Variants in PUM1 observed in about 807,000 individuals in gnomAD.
PUM1 encodes pumilio RNA binding family member 1, also known as pumilio homolog 1.
PUM1 carries 13 observed loss-of-function variants against 131.8 expected under a neutral mutation model. That is an observed-to-expected ratio of 0.10 (90% CI 0.06 to 0.16). The LOEUF (loss-of-function observed/expected upper bound fraction) is 0.16, where lower values mean the gene tolerates loss of function less well. PUM1 is among the 10% of genes least tolerant of loss of function. The pLI is 1.00. For synonymous variants in PUM1, 509 were observed against 556.5 expected (o/e 0.91, Z 1.20); for missense variants, 961 against 1,512.4 (o/e 0.64, Z 6.05).
intron 2 of PUM1, among the ~76,000 whole-genome samples, chr1:31,042,279 C>G (rs1643843495): frequency 6.6e-6 from 1 of 151,680 alleles, no homozygotes; most frequent in African/African-American, 2.4e-5. Flanking sequence ...GCACTCCAAC[C>G]TGGGCAACAG....
At chr1:30,978,538 T>C (rs1641231412) in intron 9 of PUM1, among the ~76,000 whole-genome samples, 1 of 152,206 alleles carries the variant, frequency 6.6e-6, no homozygotes, top group Non-Finnish European at 1.5e-5. Context: ...ATCTAAGAAA[T>C]GCTAGGCTAC....
intron 18 of PUM1, among the ~76,000 whole-genome samples, chr1:30,944,361 C>T (rs1639582533): frequency 2.0e-5 from 3 of 152,130 alleles, no homozygotes; most frequent in Non-Finnish European, 4.4e-5. Context: ...CTGTCCCACC[C>T]ACCTTAGGAG....
intron 3 of PUM1, among the ~76,000 whole-genome samples, chr1:31,024,027 T>C (rs1643133457): frequency 6.6e-6 from 1 of 151,318 alleles, no homozygotes. Context: ...CTCTACTATA[T>C]CCTAAAAAGG....
chr1:30,991,099 TG>T, intron 7 of PUM1, among the ~76,000 whole-genome samples: 1 of 152,156 alleles, frequency 6.6e-6, no homozygotes, highest in East Asian at 1.9e-4. Flanking sequence ...CATATATTTT[TG>T]TTCATAAGAA....
Position 30,933,096 on chromosome 1 carries a change from G to T in PUM1, c.*115C>A. The stretch of plus-strand genomic sequence containing the variant: ...CTTTTTTGGAGGAGGGAGTAATCCT[G>T]GAGCAACCACTTGCCCGTCTCAGAC... On this transcript the variant is annotated 3_prime_UTR_variant, in exon 22 of 22. Transcript: ENST00000426105. The T allele has an allele frequency of 7.5e-7, 1 of 1,327,732 alleles. No individual in the cohort carries two copies. Among genetic ancestry groups the T allele is most frequent in the Non-Finnish European group, 1.0e-6 (1 of 983,754 alleles). 82.2% of individuals were successfully genotyped at this position (1,327,732 alleles called of 1,614,324 possible). A position where few individuals can be genotyped will look rare whatever the true frequency, so the allele number is the denominator to read the frequency against.
chr1:30,933,795 T>C (rs1396563620), intron 21 of PUM1, among the ~76,000 whole-genome samples: 1 of 152,180 alleles, frequency 6.6e-6, no homozygotes, highest in Admixed American at 6.5e-5. Flanking sequence ...GTCACCAGAA[T>C]CCTGAGCTCA....
intron 3 of PUM1, among the ~76,000 whole-genome samples, chr1:31,012,562 A>AG: frequency 6.6e-6 from 1 of 151,562 alleles, no homozygotes; most frequent in Middle Eastern, 3.4e-3. Context: ...TAAAAAAAAA[A>AG]AAAAAAAAAA....
chr1:31,033,376 C>CTTTTTTT lies in PUM1; in HGVS notation c.364-4519_364-4513dup, dbSNP rs748444500. Among the ~76,000 whole-genome samples, 13 of 102,552 alleles carry CTTTTTTT rather than the reference C, an allele frequency of 1.3e-4. 1 individual carries two copies. Among genetic ancestry groups the CTTTTTTT allele is most frequent in the South Asian group, 8.0e-4 (2 of 2,502 alleles). The allele number at this position is 102,552 out of a possible 152,430, so 67.3% of individuals were successfully genotyped here. On this transcript the variant is annotated intron_variant, in intron 2 of 21. Coordinates refer to ENST00000426105, the MANE Select transcript of PUM1 (RefSeq NM_001020658.2). ...TGTGCCACCACATCCAGCTAATTTTCTTTTTTTTTTTTTTTTTTTTTTTTT... is the reference window on the plus strand; with the variant it reads ...TGTGCCACCACATCCAGCTAATTTTCTTTTTTTTTTTTTTTTTTTTTTTTTTTTTTTT...
chr1:31,038,493 C>G lies in PUM1; in HGVS notation c.364-9629G>C, dbSNP rs538272525. Among the ~76,000 whole-genome samples, 3 of 152,190 alleles carry G rather than the reference C, an allele frequency of 2.0e-5. No homozygotes were observed. In the East Asian group the frequency reaches 5.8e-4, roughly 29 times the overall value. ...ACCAAACCGCACCTTATTAACAGTG[C>G]TATGGTGATTTGTCTTATCTCCCTA... On this transcript the variant is annotated intron_variant, in intron 2 of 21. Coordinates refer to ENST00000426105, the MANE Select transcript of PUM1 (RefSeq NM_001020658.2).
chr1:31,058,185 T>C lies in PUM1; in HGVS notation c.363+1019A>G, dbSNP rs75223424. On this transcript the variant is annotated intron_variant, in intron 2 of 21. Transcript: ENST00000426105. ...ATATATCAGTCCCATTTCAAATAAA[T>C]TTCACTTGAGCAGCTGATGTTATCA... 2.1e-3 allele frequency among the ~76,000 whole-genome samples: 316 copies of C among 152,282 alleles called. 1 individual carries two copies. Among genetic ancestry groups the C allele is most frequent in the African/African-American group, 7.3e-3 (305 of 41,546 alleles).
chr1:31,037,807 T>C (rs550900516), intron 2 of PUM1, among the ~76,000 whole-genome samples: 10 of 152,042 alleles, frequency 6.6e-5, no homozygotes, highest in Non-Finnish European at 1.2e-4. Flanking sequence ...TCCCAGCACT[T>C]TGGGAGGCCA....
At chr1:30,986,931 T>C (rs1157143466) in intron 7 of PUM1, among the ~76,000 whole-genome samples, 1 of 152,212 alleles carries the variant, frequency 6.6e-6, no homozygotes, top group African/African-American at 2.4e-5. Context: ...ACATGCCGAT[T>C]TCCACTCCCC....
At chr1:31,057,731 A>G (rs924349892) in intron 2 of PUM1, among the ~76,000 whole-genome samples, 5 of 151,076 alleles carry the variant, frequency 3.3e-5, no homozygotes, top group Non-Finnish European at 5.9e-5. Context: ...TCTCAAAAAA[A>G]AAAAAAAAAA....
intron 20 of PUM1, among the ~76,000 whole-genome samples, chr1:30,937,874 T>C (rs770725769): frequency 2.6e-4 from 40 of 151,970 alleles, no homozygotes; most frequent in Non-Finnish European, 5.1e-4. Context: ...ATTCAAATAA[T>C]TCTTCTCCTG....
intron 3 of PUM1, among the ~76,000 whole-genome samples, chr1:31,009,769 A>AC (rs1642530929): frequency 7.6e-6 from 1 of 131,290 alleles, no homozygotes; most frequent in Admixed American, 7.9e-5. Flanking sequence ...CTCTGTCTCA[A>AC]AAAAAAAAAA....
chr1:31,049,846 T>C (rs1166369320), intron 2 of PUM1, among the ~76,000 whole-genome samples: 1 of 121,614 alleles, frequency 8.2e-6, no homozygotes, highest in Non-Finnish European at 1.6e-5. Flanking sequence ...TTTTTTTTTT[T>C]TGAGACAGAG....
intron 21 of PUM1, chr1:30,935,784 C>G (rs1639184254): frequency 4.8e-6 from 2 of 414,044 alleles, no homozygotes; most frequent in Non-Finnish European, 9.7e-6. Flanking sequence ...CAATGGCCAA[C>G]CAACCCCTCA....
At chr1:30,982,780 G>A (rs936691901) in intron 7 of PUM1, among the ~76,000 whole-genome samples, 1 of 152,156 alleles carries the variant, frequency 6.6e-6, no homozygotes, top group African/African-American at 2.4e-5. Context: ...CAAACATGAG[G>A]CTAATTTTAG....
rs143750783 is a variant in PUM1, at chr1:31,031,817, C to T, written c.364-2953G>A. Among the ~76,000 whole-genome samples, 43 of 152,208 alleles carry T rather than the reference C, an allele frequency of 2.8e-4. 1 individual carries two copies. The East Asian group carries it at 5.2e-3, about 18-fold the overall frequency. On this transcript the variant is annotated intron_variant, in intron 2 of 21. Transcript: ENST00000426105. ...TCCTTTCTACACTATCTTCCTGCCACCATTCTCTTTCACCATCTATTTACA... is the reference window on the plus strand; with the variant it reads ...TCCTTTCTACACTATCTTCCTGCCATCATTCTCTTTCACCATCTATTTACA...
Sources: allele counts gnomAD v4.1 joint callset (sites outside exome capture counted in the v4.1 genomes callset), GRCh38; gene constraint gnomAD v4.1.1; transcripts MANE v1.5; gene names NCBI Gene and HGNC (gene_info 2026-07-23, HGNC 2026-07-21).